Variants in CPAMD8 observed in about 807,000 individuals in gnomAD.
The protein encoded by CPAMD8 is C3 and PZP like alpha-2-macroglobulin domain containing 8.
A neutral mutation model predicts 224.7 loss-of-function variants in CPAMD8; 146 were observed. The observed-to-expected ratio is 0.65, with a 90% CI of 0.57 to 0.75. CPAMD8 has a LOEUF of 0.75. Among genes scored for constraint, CPAMD8 ranks in the 30% least tolerant of loss-of-function variants. The probability of loss-of-function intolerance (pLI) is 0.00; values close to 1 mark genes in which losing one functional copy is unlikely to be tolerated. For missense variants in CPAMD8, 2,301 were observed against 2,537.5 expected, an observed-to-expected ratio of 0.91 and a Z score of 2.00; for synonymous variants, 966 against 1,044.6, an observed-to-expected ratio of 0.92 and a Z score of 1.45.
rs533582089 is a variant in CPAMD8 at position 16,976,116 on chromosome 19, A to T, written c.1794T>A (p.Pro598=). 43 of 1,612,554 alleles carry T rather than the reference A, an allele frequency of 2.7e-5. No individual in the cohort carries two copies. In the Admixed American group the frequency reaches 5.7e-4, roughly 21 times the overall value. The change falls in exon 16 of 42, where the codon CCT becomes CCA. Residue 598 remains proline (P), a synonymous_variant. Coordinates refer to ENST00000443236, the MANE Select transcript of CPAMD8 (RefSeq NM_015692.5). The part of the protein sequence containing the change: ...SVTYSANETQ[P]GEVVDLRIRA... Reference sequence around the variant, plus strand: ...TGATCCGCAGGTCGACAACCTCCCCAGGTTGGGTCTCATTTGCTGAATACG... The same window carrying T: ...TGATCCGCAGGTCGACAACCTCCCCTGGTTGGGTCTCATTTGCTGAATACG...
At chr19:17,008,242 G>T (rs534199561) in intron 7 of CPAMD8, among the ~76,000 whole-genome samples, 4 of 152,180 alleles carry the variant, frequency 2.6e-5, no homozygotes, top group African/African-American at 9.7e-5. Flanking sequence ...CAGGAGCCCC[G>T]CCTGAGTCCT....
intron 23 of CPAMD8, among the ~76,000 whole-genome samples, chr19:16,937,658 T>G (rs2053740525): frequency 6.7e-6 from 1 of 150,076 alleles, no homozygotes; most frequent in Non-Finnish European, 1.5e-5. Context: ...TACTTTTTTT[T>G]TTTTTTTTTT....
rs757390942 is a variant in CPAMD8, at chr19:16,976,138, T to C, written c.1772A>G (p.Tyr591Cys). The C allele has an allele frequency of 2.5e-6, 4 of 1,610,450 alleles. No homozygotes were observed. Among genetic ancestry groups the C allele is most frequent in the East Asian group, 2.2e-5 (1 of 44,704 alleles). Residue 591 changes from tyrosine (Y) to cysteine (C), a missense_variant, in exon 16 of 42, where the codon TAT becomes TGT. By Grantham distance (194) the Tyr-to-Cys change is radical (BLOSUM62 -2). Coordinates refer to ENST00000443236, the MANE Select transcript of CPAMD8 (RefSeq NM_015692.5). ...CCCAGGTTGGGTCTCATTTGCTGAA[T>C]ACGTCACTGAAACCTTGGCGCAAAT... is the stretch of plus-strand genomic sequence containing the variant. ...TFFENQVSVT[Y>C]SANETQPGEV...
chr19:16,967,301 G>A (rs2054859264), intron 18 of CPAMD8, among the ~76,000 whole-genome samples: 1 of 128,746 alleles, frequency 7.8e-6, no homozygotes, highest in African/African-American at 2.9e-5. Flanking sequence ...AGAACACCTG[G>A]ACACAGGGCG....
intron 13 of CPAMD8, among the ~76,000 whole-genome samples, chr19:16,985,843 G>A (rs772249462): frequency 6.6e-5 from 10 of 151,798 alleles, no homozygotes; most frequent in Non-Finnish European, 1.3e-4. Flanking sequence ...GAGAGAGATG[G>A]AGGGTGGATG....
chr19:16,987,804 C>T (rs1241261296), intron 13 of CPAMD8, among the ~76,000 whole-genome samples: 1 of 152,006 alleles, frequency 6.6e-6, no homozygotes, highest in East Asian at 1.9e-4. Flanking sequence ...GCATGCACCA[C>T]CACATCCGGC....
In CPAMD8 at chr19:16,977,358, G is replaced by A. The variant is rs200037745; in HGVS notation, c.1758+10C>T. 8.2e-5 allele frequency: 132 copies of A among 1,602,172 alleles called. No homozygotes were observed. In the African/African-American group the frequency reaches 1.0e-3, roughly 12 times the overall value. ...TGGCTGTGTCCCAGGTTCAGTGCAC[G>A]ATGCTCTACCTGGTTTTCGAAGAAG... On this transcript the variant is annotated intron_variant, in intron 15 of 41. Coordinates refer to ENST00000443236, the MANE Select transcript of CPAMD8 (RefSeq NM_015692.5).
intron 35 of CPAMD8, 91 bp downstream of exon 35, chr19:16,902,558 A>G: frequency 1.4e-6 from 1 of 737,024 alleles, no homozygotes; most frequent in African/African-American, 1.8e-5. Flanking sequence ...GAGTGCCTGG[A>G]GCCGGAAGCT....
intron 22 of CPAMD8, among the ~76,000 whole-genome samples, chr19:16,944,286 T>A (rs1025517699): frequency 3.3e-5 from 5 of 152,156 alleles, no homozygotes; most frequent in African/African-American, 9.7e-5. Context: ...TGTAGCTTCA[T>A]CTTTTGCATC....
chr19:16,975,102 A>G lies in CPAMD8; in HGVS notation c.2065T>C (p.Phe689Leu), dbSNP rs2055210336. The change falls in exon 17 of 42, where the codon TTC becomes CTC. Residue 689 changes from phenylalanine to leucine, a missense_variant. Around this residue, in one of 4 missense-constraint regions of CPAMD8, gnomAD observed 1,709 missense variants for 1,753.2 expected, o/e 0.97. Coordinates refer to ENST00000443236, the MANE Select transcript of CPAMD8 (RefSeq NM_015692.5). ...CTGAGACCACCTCTCCTTACGGTGA[A>G]GGCAAACCCAGAGTCCTTGGTGATG... ...WGITKDSGFA[F>L]TETGLVVMTD... The G allele has an allele frequency of 1.2e-6, 2 of 1,612,016 alleles. No individual in the cohort carries two copies. The highest frequency in any genetic ancestry group is 2.2e-5 in the East Asian group (1 of 44,870).
At position 17,011,589 on chromosome 19, in the gene CPAMD8, C is replaced by T. The variant is rs374735183; in HGVS notation, c.433+3G>A. The T allele has an allele frequency of 2.7e-5, 43 of 1,614,200 alleles. No homozygotes were observed. In the African/African-American group the frequency reaches 5.3e-4, roughly 20 times the overall value. On this transcript the variant is annotated splice_donor_region_variant and intron_variant, in intron 4 of 41. Transcript: ENST00000443236. ...CCTCCCTGCATCCATGCTGGCCACT[C>T]ACCTCGGTGCTGGGGTCTGTACACA...
intron 30 of CPAMD8, among the ~76,000 whole-genome samples, chr19:16,906,104 T>C (rs111769143): frequency 0.021 from 3,178 of 152,206 alleles, 35 homozygotes; most frequent in Non-Finnish European, 0.034. Flanking sequence ...GGGGTTGGCA[T>C]CCCAGATTTC....
In CPAMD8 at chr19:16,920,049, T is replaced by TGCTGCC. The variant is rs2053109854; in HGVS notation, c.3629+1850_3629+1855dup. Among the ~76,000 whole-genome samples, 7 of 152,270 alleles carry TGCTGCC rather than the reference T, an allele frequency of 4.6e-5. No homozygotes were observed. In the South Asian group the frequency reaches 1.4e-3, roughly 32 times the overall value. On this transcript the variant is annotated intron_variant, in intron 27 of 41. Coordinates refer to ENST00000443236, the MANE Select transcript of CPAMD8 (RefSeq NM_015692.5). ...GTTTGTCCAGCTTCGGGGTGGGTGC[T>TGCTGCC]GCTGCCACTGCCCTGCGCTCACTGC...
At chr19:16,960,052 C>T (rs1169226201) in intron 18 of CPAMD8, among the ~76,000 whole-genome samples, 1 of 152,098 alleles carries the variant, frequency 6.6e-6, no homozygotes, top group Non-Finnish European at 1.5e-5. Flanking sequence ...GCTAATTTCC[C>T]TCCCTGGGTT....
intron 20 of CPAMD8, among the ~76,000 whole-genome samples, chr19:16,949,787 G>A (rs556515955): frequency 1.2e-3 from 187 of 152,184 alleles, no homozygotes; most frequent in African/African-American, 4.1e-3. Flanking sequence ...TTCCCGCCCC[G>A]ATGCCTGACT....
chr19:16,939,540 T>C (rs903465374), intron 22 of CPAMD8, among the ~76,000 whole-genome samples: 1 of 152,060 alleles, frequency 6.6e-6, no homozygotes, highest in Admixed American at 6.6e-5. Context: ...TCAACTGGAC[T>C]GGGCTCCAGG....
At chr19:17,015,970 C>A (rs8106518) in intron 3 of CPAMD8, among the ~76,000 whole-genome samples, 1 of 152,164 alleles carries the variant, frequency 6.6e-6, no homozygotes, top group African/African-American at 2.4e-5. Context: ...TAAAGACAGG[C>A]TCTTGCTCTG....
At chr19:16,932,398 G>A (rs1241877341) in intron 23 of CPAMD8, among the ~76,000 whole-genome samples, 1 of 152,146 alleles carries the variant, frequency 6.6e-6, no homozygotes, top group African/African-American at 2.4e-5. Flanking sequence ...TCCAGCCTGG[G>A]CAACAGAGTG....
Position 16,896,205 on chromosome 19 carries a change from G to T in CPAMD8, c.5397C>A (p.Asp1799Glu). ...NGAGLEVEDSDPEPEGEAEDR... is the reference protein window; with the variant it reads ...NGAGLEVEDSEPEPEGEAEDR... ...CCTCCGCCTCCCCTTCAGGCTCAGGGTCTGAGTCCTCCACCTCAAGGCCGG... is the reference window on the plus strand; with the variant it reads ...CCTCCGCCTCCCCTTCAGGCTCAGGTTCTGAGTCCTCCACCTCAAGGCCGG... The change falls in exon 41 of 42, where the codon GAC becomes GAA. Residue 1799 changes from aspartate (D) to glutamate (E), a missense_variant. Asp to Glu is a conservative substitution (Grantham distance 45). Coordinates refer to ENST00000443236, the MANE Select transcript of CPAMD8 (RefSeq NM_015692.5). 1 of 1,613,884 alleles carries T rather than the reference G, an allele frequency of 6.2e-7. No homozygotes were observed. The highest frequency in any genetic ancestry group is 1.6e-4 in the Middle Eastern group (1 of 6,062).
Sources: allele counts gnomAD v4.1 joint callset (sites outside exome capture counted in the v4.1 genomes callset), GRCh38; gene constraint gnomAD v4.1.1; regional missense constraint gnomAD v4.1.1; transcripts MANE v1.5; gene names NCBI Gene and HGNC (gene_info 2026-07-23, HGNC 2026-07-21).